The following AGBL4 variants were observed in gnomAD, a reference collection of about 807,000 sequenced individuals.
AGBL4 encodes the protein AGBL carboxypeptidase 4.
Under a neutral mutation model 66.4 loss-of-function variants are expected in AGBL4, and 58 were observed. The observed-to-expected ratio is 0.87, with a 90% CI of 0.71 to 1.09. AGBL4 has a LOEUF of 1.09. Ranked by LOEUF, AGBL4 falls within the 50% of genes least tolerant of loss-of-function variation. AGBL4 has a pLI of 0.00. For synonymous variants in AGBL4, 234 were observed against 222.9 expected (o/e 1.05, Z -0.44); for missense variants, 579 against 631.0 (o/e 0.92, Z 0.88).
At chr1:49,502,270 C>T (rs1570891014) in intron 3 of AGBL4, among the ~76,000 whole-genome samples, 1 of 152,044 alleles carries the variant, frequency 6.6e-6, no homozygotes, top group African/African-American at 2.4e-5. Context: ...GGCTTCCTTT[C>T]TCCTCAGCTT....
At chr1:48,579,784 G>T (rs188454638) in intron 11 of AGBL4, among the ~76,000 whole-genome samples, 7,077 of 150,632 alleles carry the variant, frequency 0.047, 206 homozygotes, top group South Asian at 0.083. Context: ...CGGGCACGGT[G>T]GCGGGCGCCT....
chr1:48,771,902 G>C (rs913083442), intron 6 of AGBL4, among the ~76,000 whole-genome samples: 1 of 152,230 alleles, frequency 6.6e-6, no homozygotes, highest in African/African-American at 2.4e-5. Context: ...AGTTGAGGGA[G>C]TGATAAAGAA....
chr1:49,363,860 T>C (rs1644189993), intron 3 of AGBL4, among the ~76,000 whole-genome samples: 1 of 152,208 alleles, frequency 6.6e-6, no homozygotes, highest in African/African-American at 2.4e-5. Flanking sequence ...GAGTAAGACA[T>C]GATCCTTGCC....
intron 2 of AGBL4, among the ~76,000 whole-genome samples, chr1:49,843,807 T>C (rs1646065710): frequency 6.6e-6 from 1 of 151,900 alleles, no homozygotes. Context: ...TATAACAATA[T>C]GGGGAAGGTA....
intron 3 of AGBL4, among the ~76,000 whole-genome samples, chr1:49,321,145 ACTTTGAAT>A (rs1645126254): frequency 6.6e-6 from 1 of 152,176 alleles, no homozygotes; most frequent in Admixed American, 6.5e-5. Flanking sequence ...GGTTACCTCC[ACTTTGAAT>A]CTGTTAGGAC....
intron 5 of AGBL4, among the ~76,000 whole-genome samples, chr1:48,990,955 G>A (rs1007625033): frequency 3.9e-5 from 6 of 151,936 alleles, no homozygotes; most frequent in Non-Finnish European, 7.4e-5. Context: ...TATTATTTTT[G>A]ATTGGTTCAT....
chr1:49,895,278 G>C (rs927064120), intron 1 of AGBL4, among the ~76,000 whole-genome samples: 6 of 148,504 alleles, frequency 4.0e-5, no homozygotes, highest in African/African-American at 1.5e-4. Flanking sequence ...CAATCATAAA[G>C]AAAGGGACAT....
intron 4 of AGBL4, among the ~76,000 whole-genome samples, chr1:49,074,515 A>C (rs147832163): frequency 3.3e-5 from 5 of 152,058 alleles, no homozygotes; most frequent in African/African-American, 4.8e-5. Context: ...TTCCTATTCG[A>C]CCATCTTGCC....
chr1:49,017,096 T>C (rs1347945142), intron 5 of AGBL4, among the ~76,000 whole-genome samples: 2 of 152,206 alleles, frequency 1.3e-5, no homozygotes, highest in African/African-American at 4.8e-5. Flanking sequence ...TGTAAAGTAG[T>C]GGCCCTTGAT....
At chr1:49,748,412 G>A (rs1651169641) in intron 2 of AGBL4, among the ~76,000 whole-genome samples, 1 of 152,122 alleles carries the variant, frequency 6.6e-6, no homozygotes, top group East Asian at 1.9e-4. Flanking sequence ...AGTCATCATT[G>A]ATGGGCATTT....
intron 5 of AGBL4, among the ~76,000 whole-genome samples, chr1:48,952,697 T>C (rs888386350): frequency 6.6e-6 from 1 of 152,034 alleles, no homozygotes; most frequent in Non-Finnish European, 1.5e-5. Context: ...AGAAGTGTAA[T>C]GTAGATAGGT....
intron 6 of AGBL4, among the ~76,000 whole-genome samples, chr1:48,713,019 C>T (rs1219678943): frequency 6.6e-6 from 1 of 152,204 alleles, no homozygotes; most frequent in East Asian, 1.9e-4. Flanking sequence ...GGAGAGACAG[C>T]AGCTGAGCAT....
At chr1:48,809,979 G>C (rs1252822633) in intron 6 of AGBL4, among the ~76,000 whole-genome samples, 1 of 152,064 alleles carries the variant, frequency 6.6e-6, no homozygotes, top group Non-Finnish European at 1.5e-5. Context: ...ATTATGTTAA[G>C]TGCAGGAAAT....
At position 48,736,369 on chromosome 1, in the gene AGBL4, C is replaced by T. The variant is rs1239054205; in HGVS notation, c.635-73128G>A. On this transcript the variant is annotated intron_variant, in intron 6 of 13. Transcript: ENST00000371839. The surrounding 1 kb of genome is among the most constrained non-coding windows in gnomAD (Gnocchi z 4.0). ...TTCCCCAAATCATAACTGCCAAGTT[C>T]TTCGTGTACTTGGAATCTCCTTGGG... 1 of 1,614,096 alleles carries T rather than the reference C, an allele frequency of 6.2e-7. No individual in the cohort carries two copies. Among genetic ancestry groups the T allele is most frequent in the Admixed American group, 1.7e-5 (1 of 60,018 alleles).
chr1:48,813,084 C>G (rs942448399), intron 6 of AGBL4, among the ~76,000 whole-genome samples: 1 of 151,900 alleles, frequency 6.6e-6, no homozygotes, highest in African/African-American at 2.4e-5. Flanking sequence ...AAGTTGTGCA[C>G]ATGTACCCTA....
chr1:49,240,412 G>A (rs2148318387), intron 4 of AGBL4, among the ~76,000 whole-genome samples: 1 of 152,068 alleles, frequency 6.6e-6, no homozygotes, highest in South Asian at 2.1e-4. Flanking sequence ...GTCACTAAAA[G>A]TGCACTCACG....
intron 2 of AGBL4, among the ~76,000 whole-genome samples, chr1:49,801,858 A>G (rs1172092269): frequency 6.6e-6 from 1 of 152,226 alleles, no homozygotes; most frequent in African/African-American, 2.4e-5. Context: ...TGGCCTGCAC[A>G]GTGTTTGAAA....
intron 6 of AGBL4, among the ~76,000 whole-genome samples, chr1:48,827,637 T>G (rs898226454): frequency 6.6e-6 from 1 of 152,196 alleles, no homozygotes; most frequent in Non-Finnish European, 1.5e-5. Context: ...GAGTAACTAC[T>G]GTGTGCAGAC....
chr1:49,240,874 T>C (rs1158002816), intron 4 of AGBL4, among the ~76,000 whole-genome samples: 1 of 151,924 alleles, frequency 6.6e-6, no homozygotes, highest in East Asian at 1.9e-4. Flanking sequence ...ATCATCTCCC[T>C]TATCCAGCCA....
Sources: allele counts gnomAD v4.1 joint callset (sites outside exome capture counted in the v4.1 genomes callset), GRCh38; gene constraint gnomAD v4.1.1; non-coding constraint Gnocchi (gnomAD v3.1); transcripts MANE v1.5; gene names NCBI Gene and HGNC (gene_info 2026-07-23, HGNC 2026-07-21).